ADAM20: variants seen among roughly 807,000 people sequenced by gnomAD.
The protein encoded by ADAM20 is disintegrin and metalloproteinase domain-containing protein 20.
For missense variants in ADAM20, 871 were observed against 883.2 expected (o/e 0.99, Z 0.18); for synonymous variants, 305 against 310.2 (o/e 0.98, Z 0.18).
chr14:70,550,710 C>T, the ADAM20 span, among the ~76,000 whole-genome samples: 154 of 39,500 alleles, frequency 3.9e-3, no homozygotes, highest in African/African-American at 0.022. Flanking sequence ...GATTCACAGC[C>T]GAATTCTACC....
the ADAM20 span, among the ~76,000 whole-genome samples, chr14:70,566,777 C>T: frequency 3.7e-4 from 56 of 152,052 alleles, no homozygotes; most frequent in African/African-American, 1.3e-3. Flanking sequence ...GACAAGAGTT[C>T]AAGACCAGCC....
chr14:70,545,993 C>T, the ADAM20 span, among the ~76,000 whole-genome samples: 67 of 152,252 alleles, frequency 4.4e-4, no homozygotes, highest in African/African-American at 1.6e-3. Flanking sequence ...ACTGAAGTAA[C>T]ATCAAATATC....
At chr14:70,536,465 CAA>C (rs56738784), upstream of ADAM20, among the ~76,000 whole-genome samples, 468 of 42,898 alleles carry the variant, frequency 0.011, no homozygotes, top group Non-Finnish European at 0.013. Context: ...AACTCTGTCT[CAA>C]AAAAAAAAAA....
chr14:70,524,361 G>T lies in ADAM20; in HGVS notation c.397C>A (p.Leu133Ile). 2 of 1,613,974 alleles carry T rather than the reference G, an allele frequency of 1.2e-6. No homozygotes were observed. The highest frequency in any genetic ancestry group is 1.7e-6 in the Non-Finnish European group (2 of 1,179,930). The change falls in exon 2 of 2, where the codon CTT becomes ATT. Residue 133 changes from leucine to isoleucine, a missense_variant. By Grantham distance (5) the Leu-to-Ile change is conservative (BLOSUM62 2). Coordinates refer to ENST00000256389, the MANE Select transcript of ADAM20 (RefSeq NM_003814.5). ...AGGTCATTTATCTGTAGCATTCCAA[G>T]AAAGCCCCCAGAACAGGTACTAAGG... ...VALSTCSGGF[L>I]GMLQINDLVY... is the part of the protein sequence containing the mutation.
At chr14:70,572,165 T>C in the ADAM20 span, among the ~76,000 whole-genome samples, 2 of 152,138 alleles carry the variant, frequency 1.3e-5, no homozygotes, top group African/African-American at 4.8e-5. Context: ...AGAGCCTGAT[T>C]AACCAAAGAA....
intron 1 of ADAM20, among the ~76,000 whole-genome samples, chr14:70,525,794 T>G (rs958761265): frequency 6.6e-6 from 1 of 152,164 alleles, no homozygotes; most frequent in African/African-American, 2.4e-5. Context: ...CTTTTTAATT[T>G]TATAATATAT....
chr14:70,530,035 C>A (rs948656465), intron 1 of ADAM20, among the ~76,000 whole-genome samples: 1 of 152,162 alleles, frequency 6.6e-6, no homozygotes, highest in Non-Finnish European at 1.5e-5. Flanking sequence ...GTAATCCCAG[C>A]ACTTTGGGAG....
At chr14:70,574,334 T>C in the ADAM20 span, among the ~76,000 whole-genome samples, 4 of 152,146 alleles carry the variant, frequency 2.6e-5, no homozygotes, top group South Asian at 2.1e-4. Flanking sequence ...GGAAATTTTA[T>C]AGCAATATAT....
chr14:70,535,732 T>C (rs1178913366), upstream of ADAM20, among the ~76,000 whole-genome samples: 1 of 152,182 alleles, frequency 6.6e-6, no homozygotes. Context: ...AAATAACTTC[T>C]ACTCCAAAAT....
upstream of ADAM20, among the ~76,000 whole-genome samples, chr14:70,535,229 G>A (rs1046236620): frequency 6.6e-6 from 1 of 152,144 alleles, no homozygotes; most frequent in African/African-American, 2.4e-5. Flanking sequence ...ACATGATGAG[G>A]CCAAAGTCTT....
the ADAM20 span, among the ~76,000 whole-genome samples, chr14:70,543,276 G>A: frequency 6.6e-6 from 1 of 152,170 alleles, no homozygotes; most frequent in African/African-American, 2.4e-5. Context: ...ACCCTTGGGG[G>A]AATGCTTTAC....
At chr14:70,546,354 G>A in the ADAM20 span, among the ~76,000 whole-genome samples, 2 of 152,160 alleles carry the variant, frequency 1.3e-5, no homozygotes, top group African/African-American at 2.4e-5. Flanking sequence ...TGTGCCCAAG[G>A]TGGTCGAGGC....
At chr14:70,557,693 T>G in the ADAM20 span, among the ~76,000 whole-genome samples, 1 of 152,230 alleles carries the variant, frequency 6.6e-6, no homozygotes, top group Non-Finnish European at 1.5e-5. Context: ...ATGGGCTGCA[T>G]GTGGGCCAGA....
upstream of ADAM20, chr14:70,535,017 T>C (rs1883802512): frequency 6.6e-6 from 1 of 152,196 alleles, no homozygotes; most frequent in African/African-American, 2.4e-5. Flanking sequence ...TGAACTCCCA[T>C]CCAATGGAGA....
chr14:70,565,748 AT>A, the ADAM20 span, among the ~76,000 whole-genome samples: 2 of 152,246 alleles, frequency 1.3e-5, no homozygotes, highest in African/African-American at 4.8e-5. Context: ...TTGCATTTAC[AT>A]TTTATTGGGT....
the ADAM20 span, among the ~76,000 whole-genome samples, chr14:70,565,947 A>C: frequency 6.6e-6 from 1 of 151,790 alleles, no homozygotes; most frequent in Middle Eastern, 3.2e-3. Flanking sequence ...AAAAAAAACT[A>C]CTAACCAAGA....
chr14:70,566,332 T>A, the ADAM20 span, among the ~76,000 whole-genome samples: 2 of 152,180 alleles, frequency 1.3e-5, no homozygotes, highest in Non-Finnish European at 2.9e-5. Context: ...TAGTTTTGTA[T>A]GTGAGCATAG....
At position 70,524,512 on chromosome 14, in the gene ADAM20, C is replaced by T; in HGVS notation, c.246G>A (p.Leu82=). 1 of 1,613,974 alleles carries T rather than the reference C, an allele frequency of 6.2e-7. No individual in the cohort carries two copies. Among genetic ancestry groups the T allele is most frequent in the Non-Finnish European group, 8.5e-7 (1 of 1,179,928 alleles). The change falls in exon 2 of 2, where the codon TTG becomes TTA. Residue 82 remains leucine (L), a synonymous_variant. Transcript: ENST00000256389. ...YIVHMRVNKL[L]FAAHLPVFTY... is the part of the protein sequence containing the mutation. ...TGAACACAGGAAGGTGTGCAGCAAA[C>T]AACAGCTTATTTACCCTCATGTGGA...
At chr14:70,542,874 G>A in the ADAM20 span, among the ~76,000 whole-genome samples, 2 of 151,978 alleles carry the variant, frequency 1.3e-5, no homozygotes, top group African/African-American at 2.4e-5. Flanking sequence ...GGGAGGTGGA[G>A]GTTGCAGTGA....
Sources: gnomAD v4.1 joint callset for allele counts (sites outside exome capture counted in the v4.1 genomes callset) on GRCh38, gnomAD v4.1.1 for gene constraint, MANE v1.5 for transcripts, NCBI Gene and HGNC (gene_info 2026-07-23, HGNC 2026-07-21) for gene names.